The following TBC1D19 variants were observed in gnomAD, a reference collection of about 807,000 sequenced individuals.
TBC1D19 encodes the protein TBC1 domain family member 19.
TBC1D19 carries 60 observed loss-of-function variants against 89.0 expected under a neutral mutation model. The observed-to-expected ratio is 0.67, with a 90% CI of 0.55 to 0.84. The LOEUF (loss-of-function observed/expected upper bound fraction) is 0.84, where lower values mean the gene tolerates loss of function less well. Ranked by LOEUF, TBC1D19 falls within the 40% of genes least tolerant of loss-of-function variation. The probability of loss-of-function intolerance (pLI) is 0.00; values close to 1 mark genes in which losing one functional copy is unlikely to be tolerated. For missense variants in TBC1D19, 500 were observed against 610.8 expected (o/e 0.82, Z 1.91); for synonymous variants, 189 against 199.7 (o/e 0.95, Z 0.45).
At chr4:26,772,973 A>G in the TBC1D19 span, among the ~76,000 whole-genome samples, 44 of 152,346 alleles carry the variant, frequency 2.9e-4, no homozygotes, top group South Asian at 9.1e-3. Context: ...TCCTTTGGGT[A>G]TATACCCAGT....
chr4:26,826,690 T>C, the TBC1D19 span, among the ~76,000 whole-genome samples: 1 of 152,182 alleles, frequency 6.6e-6, no homozygotes, highest in Non-Finnish European at 1.5e-5. Flanking sequence ...CCAGTAAAGT[T>C]TGGCCTAATG....
At chr4:26,602,213 C>T (rs1740656705) in intron 1 of TBC1D19, among the ~76,000 whole-genome samples, 1 of 152,174 alleles carries the variant, frequency 6.6e-6, no homozygotes, top group South Asian at 2.1e-4. Flanking sequence ...TCTCAAGAAG[C>T]TTATAGTCTA....
At chr4:26,733,322 A>T (rs1357015815) in intron 15 of TBC1D19, among the ~76,000 whole-genome samples, 3 of 152,238 alleles carry the variant, frequency 2.0e-5, no homozygotes. Flanking sequence ...TTAAATAAAT[A>T]GTATAGGCCC....
At chr4:26,730,905 G>A (rs1560501423) in intron 15 of TBC1D19, among the ~76,000 whole-genome samples, 1 of 152,212 alleles carries the variant, frequency 6.6e-6, no homozygotes, top group Non-Finnish European at 1.5e-5. Context: ...AGGAGCCTTT[G>A]GGCTCAGAAT....
the TBC1D19 span, among the ~76,000 whole-genome samples, chr4:26,774,261 G>A: frequency 6.6e-6 from 1 of 152,196 alleles, no homozygotes; most frequent in African/African-American, 2.4e-5. Flanking sequence ...CTAAAGGCTT[G>A]ACTCTTATTT....
At chr4:26,730,210 A>C (rs1032040025) in intron 15 of TBC1D19, among the ~76,000 whole-genome samples, 3 of 152,194 alleles carry the variant, frequency 2.0e-5, no homozygotes, top group African/African-American at 4.8e-5. Context: ...GCATTTAATG[A>C]GTACCTGTTA....
intron 1 of TBC1D19, among the ~76,000 whole-genome samples, chr4:26,594,106 G>A (rs1740026531): frequency 6.6e-6 from 1 of 152,210 alleles, no homozygotes; most frequent in African/African-American, 2.4e-5. Flanking sequence ...TCCAACAATG[G>A]TAGACTGGAT....
chr4:26,821,748 C>T, the TBC1D19 span, among the ~76,000 whole-genome samples: 47 of 152,316 alleles, frequency 3.1e-4, no homozygotes, highest in East Asian at 6.8e-3. Flanking sequence ...CGGGGCTCAC[C>T]GTGGTCATGC....
At chr4:26,645,912 A>G (rs1721144067) in intron 7 of TBC1D19, among the ~76,000 whole-genome samples, 1 of 151,890 alleles carries the variant, frequency 6.6e-6, no homozygotes, top group African/African-American at 2.4e-5. Context: ...TCACGAGGTC[A>G]GGAGATCGAG....
At chr4:26,614,374 T>C (rs1273204441) in intron 2 of TBC1D19, 34 bp from the exon 3 acceptor site, 18 of 1,393,062 alleles carry the variant, frequency 1.3e-5, no homozygotes, top group Admixed American at 9.8e-5. Flanking sequence ...AAAACTAGTA[T>C]GTTCATATAT....
At chr4:26,841,258 G>C in the TBC1D19 span, among the ~76,000 whole-genome samples, 3 of 152,076 alleles carry the variant, frequency 2.0e-5, no homozygotes, top group African/African-American at 7.2e-5. Context: ...ATGGTGGCGT[G>C]TGCCTGTAGT....
chr4:26,602,217 T>A (rs1740657268), intron 1 of TBC1D19, among the ~76,000 whole-genome samples: 1 of 152,232 alleles, frequency 6.6e-6, no homozygotes, highest in African/African-American at 2.4e-5. Flanking sequence ...AAGAAGCTTA[T>A]AGTCTAATGC....
chr4:26,655,779 C>A (rs1434681149), intron 7 of TBC1D19, among the ~76,000 whole-genome samples: 1 of 152,230 alleles, frequency 6.6e-6, no homozygotes, highest in Non-Finnish European at 1.5e-5. Context: ...TCACCCTTTT[C>A]CTTGGCTAGG....
At chr4:26,829,652 A>G in the TBC1D19 span, among the ~76,000 whole-genome samples, 10 of 152,338 alleles carry the variant, frequency 6.6e-5, no homozygotes, top group African/African-American at 2.4e-4. Flanking sequence ...AACTGAGCTG[A>G]GAAAGTGTCT....
chr4:26,842,606 T>TTC, the TBC1D19 span, among the ~76,000 whole-genome samples: 7 of 140,700 alleles, frequency 5.0e-5, no homozygotes, highest in African/African-American at 1.9e-4. Flanking sequence ...CTTTCTTTCT[T>TTC]TCTTTCTTTC....
the TBC1D19 span, among the ~76,000 whole-genome samples, chr4:26,840,826 C>G: frequency 1.3e-5 from 2 of 152,198 alleles, no homozygotes; most frequent in Non-Finnish European, 2.9e-5. Context: ...GTGCCAGGGA[C>G]TTAGCATTTC....
chr4:26,794,997 C>T, the TBC1D19 span, among the ~76,000 whole-genome samples: 2 of 152,206 alleles, frequency 1.3e-5, no homozygotes, highest in African/African-American at 4.8e-5. Flanking sequence ...AGGCTGTTCT[C>T]CAGCTACCAG....
intron 13 of TBC1D19, among the ~76,000 whole-genome samples, chr4:26,707,024 T>C (rs924506338): frequency 1.3e-5 from 2 of 152,124 alleles, no homozygotes; most frequent in Admixed American, 1.3e-4. Flanking sequence ...AAGTGTTCAG[T>C]ATATTGTTAG....
chr4:26,817,505 T>A, the TBC1D19 span, among the ~76,000 whole-genome samples: 3 of 152,186 alleles, frequency 2.0e-5, no homozygotes, highest in Non-Finnish European at 4.4e-5. Context: ...ACTTTTTTCC[T>A]GCATCTGTGA....
Sources: gnomAD v4.1 joint callset for allele counts (sites outside exome capture counted in the v4.1 genomes callset) on GRCh38, gnomAD v4.1.1 for gene constraint, MANE v1.5 for transcripts, NCBI Gene and HGNC (gene_info 2026-07-23, HGNC 2026-07-21) for gene names.